Variants in ADAM8 observed in about 807,000 individuals in gnomAD.
ADAM8 encodes the protein ADAM metallopeptidase domain 8, also known as disintegrin and metalloproteinase domain-containing protein 8.
In ADAM8, 104 loss-of-function variants were observed where a neutral mutation model predicts 102.4. The ratio of observed to expected loss-of-function variants is 1.02; its 90% CI spans 0.87 to 1.20. The LOEUF (loss-of-function observed/expected upper bound fraction) is 1.20, where lower values mean the gene tolerates loss of function less well. Ranked by LOEUF, ADAM8 falls within the 50% of genes most tolerant of loss-of-function variation. The pLI, the probability that ADAM8 is intolerant of heterozygous loss-of-function variation, is 0.00. For synonymous variants in ADAM8, 517 were observed against 485.2 expected (o/e 1.07, Z -0.86); for missense variants, 1,132 against 1,159.0 (o/e 0.98, Z 0.34).
intron 21 of ADAM8, among the ~76,000 whole-genome samples, chr10:133,266,626 C>G (rs536197954): frequency 6.6e-6 from 1 of 152,148 alleles, no homozygotes; most frequent in East Asian, 1.9e-4. Flanking sequence ...CACAATGTCC[C>G]GCAATGCCAA....
At chr10:133,263,880 C>T (rs1425064300) in intron 21 of ADAM8, 115 bp from the exon 22 acceptor site, 3 of 949,476 alleles carry the variant, frequency 3.2e-6, no homozygotes, top group Middle Eastern at 2.2e-4. Flanking sequence ...CTCTGCCCCC[C>T]AGGGAGCCTG....
chr10:133,267,938 C>A lies in ADAM8; in HGVS notation c.2244G>T (p.Pro748=), dbSNP rs1483847365. ...CAGGGGTGGTGCTTACAGCAGGGGGCGGCCTCTTCAGAGCCACCGAGGAGG... is the reference window on the plus strand; with the variant it reads ...CAGGGGTGGTGCTTACAGCAGGGGGAGGCCTCTTCAGAGCCACCGAGGAGG... The part of the protein sequence containing the change: ...HPASSVALKR[P]PPAPPVTVSS... Residue 748 remains proline (P), a synonymous_variant, in exon 20 of 23, where the codon CCG becomes CCT. Transcript: ENST00000445355. 9.5e-6 allele frequency: 12 copies of A among 1,259,846 alleles called. No individual in the cohort carries two copies. The highest frequency in any genetic ancestry group is 3.8e-5 in the South Asian group (1 of 26,058). 78.0% of individuals were successfully genotyped at this position (1,259,846 alleles called of 1,614,324 possible). A position where few individuals can be genotyped will look rare whatever the true frequency, so the allele number is the denominator to read the frequency against.
Position 133,271,921 on chromosome 10 carries a change from T to G in ADAM8, c.991A>C (p.Thr331Pro). Residue 331 changes from threonine (T) to proline (P), a missense_variant, in exon 11 of 23, where the codon ACC becomes CCC. Transcript: ENST00000445355. ...HSKNPVGVACTMAHEMGHNLG... is the reference protein window; with the variant it reads ...HSKNPVGVACPMAHEMGHNLG... Reference sequence around the variant, plus strand: ...TTGTGGCCCATCTCATGGGCCATGGTACAGGCCACGCCCACGGGGTTCTTG... The same window carrying G: ...TTGTGGCCCATCTCATGGGCCATGGGACAGGCCACGCCCACGGGGTTCTTG... 5 of 1,612,464 alleles carry G rather than the reference T, an allele frequency of 3.1e-6. No homozygotes were observed. The highest frequency in any genetic ancestry group is 4.2e-6 in the Non-Finnish European group (5 of 1,179,686).
chr10:133,272,163 C>G (rs1278854203), intron 10 of ADAM8, 30 bp downstream of exon 10: 3 of 1,547,962 alleles, frequency 1.9e-6, no homozygotes, highest in Non-Finnish European at 1.7e-6. Context: ...CTGGCCTCGG[C>G]CTGGCAAACC....
At chr10:133,267,655 G>A (rs555132328) in intron 20 of ADAM8, among the ~76,000 whole-genome samples, 5 of 152,348 alleles carry the variant, frequency 3.3e-5, no homozygotes, top group Admixed American at 3.3e-4. Context: ...GGGCTCTGTG[G>A]AGGCCAGGAA....
chr10:133,263,609 A>AGTTCCACCGTCAGCCCCGTGGGGAGGCC, intron 22 of ADAM8, 79 bp downstream of exon 22: 16 of 64,606 alleles, frequency 2.5e-4, no homozygotes, highest in Non-Finnish European at 3.4e-4. Flanking sequence ...CCTCCAGGGC[A>AGTTCCACCGTCAGCCCCGTGGGGAGGCC]GTGCCACCGT....
intron 3 of ADAM8, 26 bp downstream of exon 3, chr10:133,274,133 G>A: frequency 3.2e-6 from 5 of 1,581,652 alleles, no homozygotes; most frequent in Admixed American, 3.5e-5. Context: ...GGCCCGGGCA[G>A]GGGGGCCGAC....
At chr10:133,263,934 G>C (rs1846244586) in intron 21 of ADAM8, 169 bp from the exon 22 acceptor site, 1 of 524,798 alleles carries the variant, frequency 1.9e-6, no homozygotes, top group Non-Finnish European at 3.2e-6. Flanking sequence ...AGCCCTCCTG[G>C]CTGCCACTGC....
chr10:133,268,868 G>C lies in ADAM8; in HGVS notation c.1949-6C>G, dbSNP rs377295937. ...GACGGGGAGGCTCCCGGACGCTGTGGGACACACGGCCCCACATCAGGCAGG... is the reference window on the plus strand; with the variant it reads ...GACGGGGAGGCTCCCGGACGCTGTGCGACACACGGCCCCACATCAGGCAGG... On this transcript the variant is annotated splice_polypyrimidine_tract_variant and splice_region_variant and intron_variant, in intron 18 of 22. Transcript: ENST00000445355. 6 of 1,603,804 alleles carry C rather than the reference G, an allele frequency of 3.7e-6. No individual in the cohort carries two copies. In the South Asian group the frequency reaches 6.6e-5, roughly 18 times the overall value.
chr10:133,263,875 C>T (rs898287747), intron 21 of ADAM8, 110 bp from the exon 22 acceptor site: 2 of 981,706 alleles, frequency 2.0e-6, no homozygotes, highest in Non-Finnish European at 2.8e-6. Flanking sequence ...CCTCGCTCTG[C>T]CCCCCAGGGA....
Position 133,267,939 on chromosome 10 carries a change from G to C in ADAM8, c.2243C>G (p.Pro748Arg), listed in dbSNP as rs762579127. 1 of 1,261,178 alleles carries C rather than the reference G, an allele frequency of 7.9e-7. No individual in the cohort carries two copies. The highest frequency in any genetic ancestry group is 3.1e-5 in the East Asian group (1 of 32,384). 78.1% of individuals were successfully genotyped at this position (1,261,178 alleles called of 1,614,324 possible). Residue 748 changes from proline to arginine, a missense_variant, in exon 20 of 23, where the codon CCG (proline) becomes CGG (arginine). Pro to Arg is a moderately radical substitution (Grantham distance 103). Transcript: ENST00000445355. ...HPASSVALKR[P>R]PPAPPVTVSS... ...AGGGGTGGTGCTTACAGCAGGGGGC[G>C]GCCTCTTCAGAGCCACCGAGGAGGC... is the stretch of plus-strand genomic sequence containing the variant.
intron 21 of ADAM8, 121 bp from the exon 22 acceptor site, chr10:133,263,886 G>T: frequency 1.1e-6 from 1 of 873,324 alleles, no homozygotes; most frequent in Non-Finnish European, 1.6e-6. Context: ...CCCCCAGGGA[G>T]CCTGCAGGCT....
chr10:133,273,098 G>C, intron 6 of ADAM8, 79 bp from the exon 7 acceptor site: 3 of 1,604,768 alleles, frequency 1.9e-6, no homozygotes, highest in Non-Finnish European at 2.6e-6. Context: ...CGGGGCCACT[G>C]TCCAGCCCCT....
At chr10:133,270,679 G>T in intron 15 of ADAM8, 57 bp downstream of exon 15, 1 of 1,570,640 alleles carries the variant, frequency 6.4e-7, no homozygotes, top group East Asian at 2.3e-5. Flanking sequence ...GCCCTTCTGG[G>T]GCTGACCCCG....
Position 133,271,546 on chromosome 10 carries a change from G to A in ADAM8, c.1266C>T (p.Cys422=), listed in dbSNP as rs375591283. The A allele has an allele frequency of 1.6e-4, 249 of 1,557,426 alleles. No individual in the cohort carries two copies. Among genetic ancestry groups the A allele is most frequent in the Non-Finnish European group, 2.1e-4 (238 of 1,150,900 alleles). ...GACGCACCTCGGGGGGGCCGCAGTC[G>A]CACTGCTCCCCACGCTCCACAAACA... The part of the protein sequence containing the change: ...GNLFVERGEQ[C]DCGPPEDCRN... Residue 422 remains cysteine (C), a synonymous_variant, in exon 12 of 23, where the codon TGC becomes TGT. Transcript: ENST00000445355.
chr10:133,263,681 G>C lies in ADAM8; in HGVS notation c.2397+7C>G, dbSNP rs886924902. On this transcript the variant is annotated splice_region_variant and intron_variant, in intron 22 of 22. Transcript: ENST00000445355. ...TGGACTCTGCCTGGTGTGTGCTGGG[G>C]CCTCACCTCAGCTGGACCAGGGTTG... 1 of 1,174,628 alleles carries C rather than the reference G, an allele frequency of 8.5e-7. No individual in the cohort carries two copies. Among genetic ancestry groups the C allele is most frequent in the South Asian group, 1.8e-5 (1 of 57,004 alleles). 72.8% of individuals were successfully genotyped at this position (1,174,628 alleles called of 1,614,324 possible). A position where few individuals can be genotyped will look rare whatever the true frequency, so the allele number is the denominator to read the frequency against.
chr10:133,271,163 T>G (rs1846510588), intron 13 of ADAM8, 37 bp downstream of exon 13: 3 of 1,599,882 alleles, frequency 1.9e-6, no homozygotes, highest in Admixed American at 1.7e-5. Context: ...CTGCCAGCCA[T>G]GGGCTCTGGG....
rs373687310 is a variant in ADAM8 at position 133,272,268 on chromosome 10, G to A, written c.882C>T (p.Val294=). Residue 294 remains valine, a synonymous_variant, in exon 10 of 23, where the codon GTC becomes GTT. Coordinates refer to ENST00000445355, the MANE Select transcript of ADAM8 (RefSeq NM_001109.5). ...ACCCCACGGTAGTCCCGGTGAAGTCGACACCCCTGGAAGTGGGAGTGACAC... is the reference window on the plus strand; with the variant it reads ...ACCCCACGGTAGTCCCGGTGAAGTCAACACCCCTGGAAGTGGGAGTGACAC... ...LHDNVQLITG[V]DFTGTTVGFA... The A allele has an allele frequency of 1.0e-4, 153 of 1,533,380 alleles. No individual in the cohort carries two copies. The highest frequency in any genetic ancestry group is 5.1e-5 in the Non-Finnish European group (58 of 1,135,686). The allele number at this position is 1,533,380 out of a possible 1,614,324, so 95.0% of individuals were successfully genotyped here. A position where few individuals can be genotyped will look rare whatever the true frequency, so the allele number is the denominator to read the frequency against.
In ADAM8 at chr10:133,263,752, G is replaced by A. The variant is rs202119872; in HGVS notation, c.2333C>T (p.Thr778Met). The A allele has an allele frequency of 1.4e-4, 219 of 1,540,260 alleles. No individual in the cohort carries two copies. The highest frequency in any genetic ancestry group is 4.1e-4 in the South Asian group (34 of 82,778). ...GACTGGGGGCACTGGGGGTGCGAAC[G>A]TTGGCTTGATGACCTGGGAGGAAAC... ...RQAPKQVIKP[T>M]FAPPVPPVKP... Residue 778 changes from threonine to methionine, a missense_variant, in exon 22 of 23, where the codon ACG (threonine) becomes ATG (methionine). Transcript: ENST00000445355.
Sources: gnomAD v4.1 joint callset for allele counts (sites outside exome capture counted in the v4.1 genomes callset) on GRCh38, gnomAD v4.1.1 for gene constraint, MANE v1.5 for transcripts, NCBI Gene and HGNC (gene_info 2026-07-23, HGNC 2026-07-21) for gene names.